SIPA1L2: variants seen among roughly 807,000 people sequenced by gnomAD.
SIPA1L2 encodes the protein signal induced proliferation associated 1 like 2.
SIPA1L2 carries 56 observed loss-of-function variants against 163.9 expected under a neutral mutation model. The ratio of observed to expected loss-of-function variants is 0.34; its 90% CI spans 0.28 to 0.43. The LOEUF (loss-of-function observed/expected upper bound fraction) is 0.43, where lower values mean the gene tolerates loss of function less well. Among genes scored for constraint, SIPA1L2 ranks in the 20% least tolerant of loss-of-function variants. SIPA1L2 has a pLI of 1.00. For missense variants in SIPA1L2, 1,974 were observed against 2,193.5 expected (o/e 0.90, Z 2.00); for synonymous variants, 877 against 865.7 (o/e 1.01, Z -0.23).
intron 3 of SIPA1L2, among the ~76,000 whole-genome samples, chr1:232,510,426 A>G (rs1666929754): frequency 6.6e-6 from 1 of 152,212 alleles, no homozygotes; most frequent in Non-Finnish European, 1.5e-5. Flanking sequence ...AGAACCAGAG[A>G]GTGTGCCCAA....
chr1:232,573,456 G>A (rs1659911238), intron 2 of SIPA1L2, among the ~76,000 whole-genome samples: 1 of 152,146 alleles, frequency 6.6e-6, no homozygotes, highest in Non-Finnish European at 1.5e-5. Context: ...ATGTGCCTGT[G>A]TGCATTGTTG....
chr1:232,580,727 C>A (rs1284809228), intron 1 of SIPA1L2, among the ~76,000 whole-genome samples: 1 of 152,036 alleles, frequency 6.6e-6, no homozygotes, highest in East Asian at 1.9e-4. Flanking sequence ...TAGATGAGGA[C>A]AAAGGAGGGC....
intron 2 of SIPA1L2, among the ~76,000 whole-genome samples, chr1:232,523,766 G>A (rs1667559499): frequency 6.6e-6 from 1 of 152,138 alleles, no homozygotes; most frequent in South Asian, 2.1e-4. Context: ...GTATTATGGT[G>A]TTCAACAAAA....
intron 12 of SIPA1L2, among the ~76,000 whole-genome samples, chr1:232,442,075 G>C (rs1377006951): frequency 6.6e-6 from 1 of 152,104 alleles, no homozygotes; most frequent in African/African-American, 2.4e-5. Context: ...TTTAACCAGA[G>C]GGTCAGAAAA....
chr1:232,403,142 C>T (rs190324163), intron 21 of SIPA1L2, among the ~76,000 whole-genome samples: 23 of 152,318 alleles, frequency 1.5e-4, no homozygotes, highest in Non-Finnish European at 2.4e-4. Flanking sequence ...CAGCAGCAGA[C>T]GCTGACCTTG....
intron 2 of SIPA1L2, among the ~76,000 whole-genome samples, chr1:232,560,581 C>T (rs1658971729): frequency 1.3e-5 from 2 of 152,174 alleles, no homozygotes; most frequent in South Asian, 4.1e-4. Flanking sequence ...GGTCACCTTG[C>T]CCAGCAGGGA....
In SIPA1L2 at chr1:232,488,500, C is replaced by T. The variant is rs547253456; in HGVS notation, c.1806+2374G>A. ...ATGAACATAAACAGTATGTTTTCCT[C>T]ATGTACAATGGGAATCTGATACCAT... On this transcript the variant is annotated intron_variant, in intron 5 of 22. Transcript: ENST00000674635. Among the ~76,000 whole-genome samples, 12 of 152,298 alleles carry T rather than the reference C, an allele frequency of 7.9e-5. No individual in the cohort carries two copies. In the South Asian group the frequency reaches 2.5e-3, roughly 32 times the overall value.
intron 2 of SIPA1L2, among the ~76,000 whole-genome samples, chr1:232,548,587 T>G (rs1658187602): frequency 6.6e-6 from 1 of 152,220 alleles, no homozygotes; most frequent in African/African-American, 2.4e-5. Flanking sequence ...ATCAATATAC[T>G]TCATTCATTT....
In SIPA1L2 at chr1:232,462,068, A is replaced by G. The variant is rs1664266114; in HGVS notation, c.2821-907T>C. ...AAGCAATGGAAGCCTCAGTGTATGT[A>G]CCTTACTCAAGAGTGAGAGAGAGTC... On this transcript the variant is annotated intron_variant, in intron 9 of 22. Coordinates refer to ENST00000674635, the MANE Select transcript of SIPA1L2 (RefSeq NM_020808.5). 6 of 782,550 alleles carry G rather than the reference A, an allele frequency of 7.7e-6. No individual in the cohort carries two copies. The Admixed American group carries it at 1.2e-4, about 16-fold the overall frequency. The allele number at this position is 782,550 out of a possible 1,614,324, so 48.5% of individuals were successfully genotyped here.
chr1:232,442,571 A>T (rs1662971805), intron 12 of SIPA1L2, among the ~76,000 whole-genome samples: 1 of 151,850 alleles, frequency 6.6e-6, no homozygotes, highest in Non-Finnish European at 1.5e-5. Flanking sequence ...AAAAAAAGGA[A>T]AAAAAAGATT....
chr1:232,559,686 T>G (rs980868524), intron 2 of SIPA1L2, among the ~76,000 whole-genome samples: 1 of 152,200 alleles, frequency 6.6e-6, no homozygotes, highest in Non-Finnish European at 1.5e-5. Context: ...CATTGGGTGT[T>G]GACAATTGAG....
At chr1:232,436,714 C>G (rs187761224) in intron 15 of SIPA1L2, among the ~76,000 whole-genome samples, 1 of 152,178 alleles carries the variant, frequency 6.6e-6, no homozygotes, top group East Asian at 1.9e-4. Context: ...TAATGAGTCA[C>G]CTGCCTTTCA....
At chr1:232,535,538 C>A (rs948619184) in intron 2 of SIPA1L2, among the ~76,000 whole-genome samples, 1 of 152,122 alleles carries the variant, frequency 6.6e-6, no homozygotes, top group African/African-American at 2.4e-5. Context: ...AAGTAAAATT[C>A]TCTAGAAAAG....
At chr1:232,439,791 AAG>A (rs1662783622) in intron 14 of SIPA1L2, among the ~76,000 whole-genome samples, 3 of 152,240 alleles carry the variant, frequency 2.0e-5, no homozygotes, top group Non-Finnish European at 4.4e-5. Flanking sequence ...AGAAAATAAT[AAG>A]CAAAGGTGAT....
chr1:232,473,606 TTTAAAGCACAAG>T (rs1328964860), intron 7 of SIPA1L2, among the ~76,000 whole-genome samples: 9 of 152,364 alleles, frequency 5.9e-5, no homozygotes, highest in South Asian at 4.1e-4. Flanking sequence ...CACAGGACTA[TTTAAAGCACAAG>T]TTAAAGCACA....
chr1:232,612,179 T>C (rs1464875760), intron 1 of SIPA1L2, among the ~76,000 whole-genome samples: 1 of 152,226 alleles, frequency 6.6e-6, no homozygotes, highest in Non-Finnish European at 1.5e-5. Context: ...GCAGGATGTA[T>C]GCAAATACCT....
At chr1:232,581,117 C>G (rs1317950179) in intron 1 of SIPA1L2, among the ~76,000 whole-genome samples, 1 of 152,180 alleles carries the variant, frequency 6.6e-6, no homozygotes. Flanking sequence ...TGTGCTGCAA[C>G]CATGGCACCT....
At chr1:232,610,792 GAATAAGGGTAATTA>G (rs1199860558) in intron 1 of SIPA1L2, among the ~76,000 whole-genome samples, 1 of 152,284 alleles carries the variant, frequency 6.6e-6, no homozygotes, top group African/African-American at 2.4e-5. Flanking sequence ...AAGTGAAGGA[GAATAAGGGTAATTA>G]AATGGGGAGG....
At chr1:232,542,423 G>A (rs934667533) in intron 2 of SIPA1L2, among the ~76,000 whole-genome samples, 2 of 152,166 alleles carry the variant, frequency 1.3e-5, no homozygotes, top group African/African-American at 4.8e-5. Context: ...CTCATAGACA[G>A]TGGGTATTTA....
Sources: allele counts gnomAD v4.1 joint callset (sites outside exome capture counted in the v4.1 genomes callset), GRCh38; gene constraint gnomAD v4.1.1; transcripts MANE v1.5; gene names NCBI Gene and HGNC (gene_info 2026-07-23, HGNC 2026-07-21).